The following VPS51 variants were observed in gnomAD, a reference collection of about 807,000 sequenced individuals.
The protein encoded by VPS51 is vacuolar protein sorting-associated protein 51 homolog.
In VPS51, 55 loss-of-function variants were observed where a neutral mutation model predicts 65.1. That is an observed-to-expected ratio of 0.84 (90% confidence interval 0.68 to 1.06). The LOEUF is 1.06. Among genes scored for constraint, VPS51 ranks in the 50% least tolerant of loss-of-function variants. The pLI is 0.00. For missense variants in VPS51, 943 were observed against 1,101.6 expected (o/e 0.86, Z 2.04); for synonymous variants, 473 against 489.5 (o/e 0.97, Z 0.44).
intron 2 of VPS51, among the ~76,000 whole-genome samples, chr11:65,103,764 ATTC>A (rs1231786717): frequency 2.6e-5 from 4 of 152,104 alleles, no homozygotes; most frequent in African/African-American, 7.2e-5. Flanking sequence ...ATATTTCCAG[ATTC>A]TTCTTTGTAA....
At position 65,096,264 on chromosome 11, in the gene VPS51, C is replaced by T. The variant is rs755439481; in HGVS notation, c.14C>T (p.Ala5Val). Residue 5 changes from alanine to valine, a missense_variant, in exon 1 of 10, where the codon GCT becomes GTT. Ala to Val is a moderately conservative substitution (Grantham distance 64). This residue lies in a region of VPS51 where 855 missense variants were observed against 953.7 expected (regional missense o/e 0.90). Transcript: ENST00000279281. The part of the protein sequence containing the change: MAAA[A>V]AAGPSPGSGP... ...GCAGTTGGAACGATGGCGGCGGCAGCTGCCGCCGGGCCTAGCCCGGGGTCT... is the reference window on the plus strand; with the variant it reads ...GCAGTTGGAACGATGGCGGCGGCAGTTGCCGCCGGGCCTAGCCCGGGGTCT... 51 of 1,519,792 alleles carry T rather than the reference C, an allele frequency of 3.4e-5. No homozygotes were observed. Among genetic ancestry groups the T allele is most frequent in the Non-Finnish European group, 4.2e-5 (48 of 1,137,664 alleles). The allele number at this position is 1,519,792 out of a possible 1,614,324, so 94.1% of individuals were successfully genotyped here. A position where few individuals can be genotyped will look rare whatever the true frequency, so the allele number is the denominator to read the frequency against.
At chr11:65,105,243 T>G (rs1166589350) in intron 2 of VPS51, among the ~76,000 whole-genome samples, 4 of 151,968 alleles carry the variant, frequency 2.6e-5, no homozygotes, top group Non-Finnish European at 5.9e-5. Flanking sequence ...GTACAAAAAT[T>G]AGCCAGGCAT....
At position 65,110,793 on chromosome 11, in the gene VPS51, A is replaced by G. The variant is rs760225191; in HGVS notation, c.2088+12A>G. 23 of 1,614,094 alleles carry G rather than the reference A, an allele frequency of 1.4e-5. No homozygotes were observed. Among genetic ancestry groups the G allele is most frequent in the Non-Finnish European group, 1.9e-5 (22 of 1,179,994 alleles). The stretch of plus-strand genomic sequence containing the variant: ...TGGAGTTCAACAAGGTCCGACTTCC[A>G]ACGTGACTCAGACTTCCAGGGATCC... On this transcript the variant is annotated intron_variant, in intron 9 of 9. Coordinates refer to ENST00000279281, the MANE Select transcript of VPS51 (RefSeq NM_013265.4).
intron 1 of VPS51, 187 bp downstream of exon 1, chr11:65,096,665 G>T: frequency 1.6e-6 from 1 of 639,424 alleles, no homozygotes. Context: ...GAGTAGGACT[G>T]GACTGGCCTG....
chr11:65,096,490 CGGGGAGTG>C lies in VPS51; in HGVS notation c.228+17_228+24del. 2 of 487,908 alleles carry C rather than the reference CGGGGAGTG, an allele frequency of 4.1e-6. No individual in the cohort carries two copies. Among genetic ancestry groups the C allele is most frequent in the Non-Finnish European group, 6.3e-6 (2 of 318,094 alleles). The allele number at this position is 487,908 out of a possible 1,614,324, so 30.2% of individuals were successfully genotyped here. On this transcript the variant is annotated intron_variant, in intron 1 of 9. Coordinates refer to ENST00000279281, the MANE Select transcript of VPS51 (RefSeq NM_013265.4). Reference sequence around the variant, plus strand: ...TTTACCTAGACAAGGTGTGTGCGCACGGGGAGTGGGGGGGTGCGGGGAGGGGGGAAGGG... The same window carrying C: ...TTTACCTAGACAAGGTGTGTGCGCACGGGGGGTGCGGGGAGGGGGGAAGGG...
At position 65,096,384 on chromosome 11, in the gene VPS51, A is replaced by G. The variant is rs1947768564; in HGVS notation, c.134A>G (p.Glu45Gly). 2.6e-6 allele frequency: 4 copies of G among 1,533,502 alleles called. No homozygotes were observed. In the East Asian group the frequency reaches 9.9e-5, roughly 38 times the overall value. The allele number at this position is 1,533,502 out of a possible 1,614,324, so 95.0% of individuals were successfully genotyped here. A position where few individuals can be genotyped will look rare whatever the true frequency, so the allele number is the denominator to read the frequency against. Residue 45 changes from glutamate to glycine, a missense_variant, in exon 1 of 10, where the codon GAA (glutamate) becomes GGA (glycine). Glu to Gly is a moderately conservative substitution (Grantham distance 98). Coordinates refer to ENST00000279281, the MANE Select transcript of VPS51 (RefSeq NM_013265.4). ...CTGAAGCTTTACTACGGCCTCTCGG[A>G]AGGGGAGGCGGCGGGACGCCCCGCG... ...GMLKLYYGLS[E>G]GEAAGRPAGP...
At chr11:65,104,781 T>C (rs772928371) in intron 2 of VPS51, among the ~76,000 whole-genome samples, 4 of 152,210 alleles carry the variant, frequency 2.6e-5, no homozygotes, top group Non-Finnish European at 4.4e-5. Flanking sequence ...GCTGTTCTCG[T>C]TTCTCTGCTG....
rs1239426376 is a variant in VPS51, at chr11:65,110,739, C to T, written c.2046C>T (p.Phe682=). The change falls in exon 9 of 10, where the codon TTC becomes TTT. Residue 682 remains phenylalanine (F), a synonymous_variant. Transcript: ENST00000279281. ...TNLLSNIQKL[F]SERIDVFSPV... Reference sequence around the variant, plus strand: ...TCTTGAGCAATATCCAGAAGCTATTCTCTGAACGTATTGATGTGTTCAGCC... The same window carrying T: ...TCTTGAGCAATATCCAGAAGCTATTTTCTGAACGTATTGATGTGTTCAGCC... The T allele has an allele frequency of 1.9e-6, 3 of 1,614,082 alleles. No homozygotes were observed. The highest frequency in any genetic ancestry group is 3.3e-5 in the Admixed American group (2 of 60,012).
chr11:65,106,458 A>G (rs1329145383), intron 2 of VPS51, among the ~76,000 whole-genome samples: 1 of 152,108 alleles, frequency 6.6e-6, no homozygotes, highest in East Asian at 1.9e-4. Context: ...CCCTTATAAA[A>G]CCATCAGACC....
At chr11:65,109,024 A>T in intron 5 of VPS51, 110 bp downstream of exon 5, 1 of 1,330,290 alleles carries the variant, frequency 7.5e-7, no homozygotes, top group Admixed American at 1.9e-5. Flanking sequence ...GTGTGGTTTC[A>T]GGTTCTTATG....
At chr11:65,108,163 C>T (rs1239478004) in intron 4 of VPS51, 34 bp from the exon 5 acceptor site, 5 of 1,587,416 alleles carry the variant, frequency 3.1e-6, no homozygotes, top group Admixed American at 1.7e-5. Flanking sequence ...CCGGCAGCCC[C>T]GGCCCTGCCC....
intron 5 of VPS51, 96 bp downstream of exon 5, chr11:65,109,010 C>T: frequency 7.0e-7 from 1 of 1,418,562 alleles, no homozygotes; most frequent in Admixed American, 1.9e-5. Context: ...ACCAGGCACT[C>T]TGGGTGTGGT....
At position 65,108,363 on chromosome 11, in the gene VPS51, C is replaced by G; in HGVS notation, c.892C>G (p.Pro298Ala). The change falls in exon 5 of 10, where the codon CCC becomes GCC. Residue 298 changes from proline (P) to alanine (A), a missense_variant. Pro to Ala is a conservative substitution (Grantham distance 27, BLOSUM62 -1). This residue lies in a region of VPS51 where 855 missense variants were observed against 953.7 expected (regional missense o/e 0.90). Coordinates refer to ENST00000279281, the MANE Select transcript of VPS51 (RefSeq NM_013265.4). The stretch of plus-strand genomic sequence containing the variant: ...CGAGCTGGGGCCCTCACCTCCGGCT[C>G]CCGACGTGTTAGAGTTCACCGACCA... ...EAELGPSPPAPDVLEFTDHGG... is the reference protein window; with the variant it reads ...EAELGPSPPAADVLEFTDHGG... 6.2e-7 allele frequency: 1 copy of G among 1,612,172 alleles called. No individual in the cohort carries two copies. Among genetic ancestry groups the G allele is most frequent in the Non-Finnish European group, 8.5e-7 (1 of 1,179,672 alleles).
At chr11:65,110,034 C>G in intron 7 of VPS51, 111 bp downstream of exon 7, 4 of 1,191,658 alleles carry the variant, frequency 3.4e-6, no homozygotes, top group Non-Finnish European at 3.5e-6. Flanking sequence ...GAGGAGGGGA[C>G]ATGTGTATCT....
In VPS51 at chr11:65,111,094, G is replaced by A. The variant is rs114685718; in HGVS notation, c.2089-233G>A. The A allele has an allele frequency of 1.8e-3, 1,354 of 755,958 alleles. 8 individuals carry two copies. The African/African-American group carries it at 0.019, about 10-fold the overall frequency. 46.8% of individuals were successfully genotyped at this position (755,958 alleles called of 1,614,324 possible). ...GGTTTTCTGTTCACCCATGGTCCCT[G>A]CCCCGCCTCACTCCAAGCTCAGGGA... On this transcript the variant is annotated intron_variant, in intron 9 of 9. Coordinates refer to ENST00000279281, the MANE Select transcript of VPS51 (RefSeq NM_013265.4).
chr11:65,096,824 A>C, intron 1 of VPS51, 174 bp from the exon 2 acceptor site: 1 of 933,316 alleles, frequency 1.1e-6, no homozygotes, highest in Admixed American at 2.7e-5. Flanking sequence ...TGAACCTAGT[A>C]ACCCCTGAGC....
rs562231349 is a variant in VPS51, at chr11:65,107,230, C to T, written c.359-351C>T. ...AGATGCGCTTGGGAGCCAGCGGTCC[C>T]TGCCTTGGCTGCTTGTGGTCTGATG... On this transcript the variant is annotated intron_variant, in intron 2 of 9. Coordinates refer to ENST00000279281, the MANE Select transcript of VPS51 (RefSeq NM_013265.4). The surrounding 1 kb of genome is among the most constrained non-coding windows in gnomAD (Gnocchi z 4.0). The T allele has an allele frequency of 8.1e-5, 41 of 505,962 alleles. No homozygotes were observed. Among genetic ancestry groups the T allele is most frequent in the African/African-American group, 6.5e-4 (34 of 52,152 alleles). 31.3% of individuals were successfully genotyped at this position (505,962 alleles called of 1,614,324 possible).
Position 65,109,791 on chromosome 11 carries a change from G to A in VPS51, c.1746G>A (p.Val582=). ...GGCTGCTGACCCACTACGTGAAGGTGCAGGGCCTGGTCATATCACAGATGC... is the reference window on the plus strand; with the variant it reads ...GGCTGCTGACCCACTACGTGAAGGTACAGGGCCTGGTCATATCACAGATGC... ...ARRLLTHYVK[V]QGLVISQMLR... is the part of the protein sequence containing the mutation. The change falls in exon 7 of 10, where the codon GTG becomes GTA. Residue 582 remains valine, a synonymous_variant. Transcript: ENST00000279281. 1.2e-6 allele frequency: 2 copies of A among 1,607,364 alleles called. No homozygotes were observed. The highest frequency in any genetic ancestry group is 1.7e-6 in the Non-Finnish European group (2 of 1,177,776).
At chr11:65,099,455 G>A (rs1485372171) in intron 2 of VPS51, among the ~76,000 whole-genome samples, 1 of 152,178 alleles carries the variant, frequency 6.6e-6, no homozygotes, top group Non-Finnish European at 1.5e-5. Context: ...AATGAGTGAT[G>A]TGCTCAGATT....
Sources: allele counts gnomAD v4.1 joint callset (sites outside exome capture counted in the v4.1 genomes callset), GRCh38; gene constraint gnomAD v4.1.1; regional missense constraint gnomAD v4.1.1; non-coding constraint Gnocchi (gnomAD v3.1); transcripts MANE v1.5; gene names NCBI Gene and HGNC (gene_info 2026-07-23, HGNC 2026-07-21).